The following DMD variants were observed in gnomAD, a reference collection of about 807,000 sequenced individuals.
DMD encodes mutant dystrophin.
A neutral mutation model predicts 330.1 loss-of-function variants in DMD; 63 were observed. That is an observed-to-expected ratio of 0.19 (90% CI 0.16 to 0.24). The LOEUF (loss-of-function observed/expected upper bound fraction) is 0.24, where lower values mean the gene tolerates loss of function less well. DMD is among the 10% of genes least tolerant of loss of function. The pLI, the probability that DMD is intolerant of heterozygous loss-of-function variation, is 1.00. For missense variants in DMD, 3,344 were observed against 2,684.1 expected (o/e 1.25, Z -5.43); for synonymous variants, 1,223 against 959.8 (o/e 1.27, Z -5.07).
chrX:32,452,322 T>TGAAAGGGAAAGG (rs1569563101), intron 26 of DMD, among the ~76,000 whole-genome samples: 9 of 11,181 alleles, frequency 8.0e-4, no homozygotes, highest in East Asian at 5.5e-3. Flanking sequence ...AAAGTGAAAG[T>TGAAAGGGAAAGG]GAAAGTGAAA....
At chrX:32,730,841 T>G (rs1038681660) in intron 7 of DMD, among the ~76,000 whole-genome samples, 1 of 111,805 alleles carries the variant, frequency 8.9e-6, no homozygotes, top group Admixed American at 9.5e-5. Flanking sequence ...AGAGTAGGAA[T>G]AGAGCCTACC....
At chrX:32,973,050 G>A (rs1311945644) in intron 2 of DMD, among the ~76,000 whole-genome samples, 1 of 111,234 alleles carries the variant, frequency 9.0e-6, no homozygotes, top group Non-Finnish European at 1.9e-5. Context: ...TTTAGTCTGG[G>A]CTCCCATGAT....
intron 44 of DMD, among the ~76,000 whole-genome samples, chrX:31,980,902 T>C (rs1447053144): frequency 1.8e-5 from 2 of 111,971 alleles, no homozygotes; most frequent in Non-Finnish European, 3.8e-5. Context: ...CTCTCCTTAC[T>C]TACACAATAC....
chrX:33,166,412 C>T (rs2049055297), intron 1 of DMD, among the ~76,000 whole-genome samples: 1 of 111,394 alleles, frequency 9.0e-6, no homozygotes, highest in African/African-American at 3.2e-5. Context: ...AACCCATACT[C>T]CTAAATTAAA....
chrX:31,303,827 T>C (rs2054833049), intron 62 of DMD, among the ~76,000 whole-genome samples: 1 of 111,913 alleles, frequency 8.9e-6, no homozygotes, highest in Admixed American at 9.6e-5. Context: ...CTCTCTCTCT[T>C]TTTGTGTTAA....
intron 44 of DMD, among the ~76,000 whole-genome samples, chrX:32,209,753 C>A (rs1421101587): frequency 9.0e-6 from 1 of 111,481 alleles, no homozygotes; most frequent in Non-Finnish European, 1.9e-5. Flanking sequence ...TTAAGCAGTT[C>A]TTTACCGTGG....
intron 43 of DMD, among the ~76,000 whole-genome samples, chrX:32,273,594 G>A (rs976488621): frequency 9.1e-6 from 1 of 109,527 alleles, no homozygotes; most frequent in African/African-American, 3.3e-5. Flanking sequence ...GTGGCCATGT[G>A]ACAGACATCT....
At chrX:31,626,333 TATA>T (rs1256956185) in intron 55 of DMD, among the ~76,000 whole-genome samples, 1 of 111,543 alleles carries the variant, frequency 9.0e-6, no homozygotes, top group Admixed American at 9.6e-5. Context: ...TATCAGCATT[TATA>T]ATATTTTATA....
At position 31,599,850 on chromosome X, in the gene DMD, CAT is replaced by C. The variant is rs1424965991; in HGVS notation, c.8217+27821_8217+27822del. 4.5e-5 allele frequency among the ~76,000 whole-genome samples: 5 copies of C among 112,136 alleles called. No homozygotes were observed. The South Asian group carries it at 1.1e-3, about 25-fold the overall frequency. On this transcript the variant is annotated intron_variant, in intron 55 of 78. Coordinates refer to ENST00000357033, the MANE Select transcript of DMD (RefSeq NM_004006.3). ...ATCTTATGAGCTCATTAGTATGTCT[CAT>C]GTGGTTTATTGCTTTAAAATCTCAT... is the stretch of plus-strand genomic sequence containing the variant.
rs748344570 is a variant in DMD, at chrX:31,126,676, TTAA to T, written c.11015-6_11015-4del. 3.3e-5 allele frequency: 39 copies of T among 1,182,884 alleles called. No homozygotes were observed. The East Asian group carries it at 1.1e-3, about 34-fold the overall frequency. ...TGGCTTTCCAGGGGTATTTCTTCCT[TTAA>T]TAATAGAGAGAGGAAGAGGCAGAGA... On this transcript the variant is annotated splice_region_variant and splice_polypyrimidine_tract_variant and intron_variant, in intron 77 of 78. Transcript: ENST00000357033.
chrX:33,168,465 A>T (rs1484479527), intron 1 of DMD, among the ~76,000 whole-genome samples: 1 of 108,485 alleles, frequency 9.2e-6, no homozygotes, highest in Non-Finnish European at 1.9e-5. Context: ...AAAATTCCTG[A>T]TATATAGCTT....
At chrX:32,662,056 A>G (rs2060982895) in intron 9 of DMD, among the ~76,000 whole-genome samples, 2 of 111,403 alleles carry the variant, frequency 1.8e-5, no homozygotes, top group African/African-American at 6.5e-5. Flanking sequence ...ATAGTGAGAT[A>G]ATCAATACTA....
intron 50 of DMD, among the ~76,000 whole-genome samples, chrX:31,798,142 A>T (rs2091911862): frequency 8.9e-6 from 1 of 112,347 alleles, no homozygotes; most frequent in Non-Finnish European, 1.9e-5. Context: ...CCCCCTTTTA[A>T]AATTTCTATG....
intron 1 of DMD, among the ~76,000 whole-genome samples, chrX:33,183,633 C>G (rs1231354091): frequency 9.0e-6 from 1 of 111,473 alleles, no homozygotes; most frequent in African/African-American, 3.3e-5. Context: ...AGACACCCAA[C>G]CCTGTGTTCT....
intron 11 of DMD, among the ~76,000 whole-genome samples, chrX:32,633,022 C>A (rs527439254): frequency 2.7e-5 from 3 of 112,347 alleles, no homozygotes; most frequent in African/African-American, 6.5e-5. Context: ...ATCCATGTTG[C>A]AAATTTTGAA....
intron 57 of DMD, among the ~76,000 whole-genome samples, chrX:31,479,412 A>T (rs567837744): frequency 1.8e-5 from 2 of 111,846 alleles, no homozygotes; most frequent in South Asian, 7.5e-4. Context: ...CTACAGCTAA[A>T]GTTTCAAGGT....
At chrX:31,941,984 C>T (rs988950523) in intron 45 of DMD, among the ~76,000 whole-genome samples, 4 of 111,667 alleles carry the variant, frequency 3.6e-5, no homozygotes, top group African/African-American at 1.3e-4. Flanking sequence ...AGTGCTGCGA[C>T]GAACATGTGA....
chrX:32,702,661 A>C (rs762319183), intron 7 of DMD, among the ~76,000 whole-genome samples: 1 of 111,427 alleles, frequency 9.0e-6, no homozygotes, highest in Non-Finnish European at 1.9e-5. Flanking sequence ...CTGGAGGAAA[A>C]CTTGAGAGAA....
chrX:32,999,492 T>C (rs1359372817), intron 2 of DMD, among the ~76,000 whole-genome samples: 2 of 111,644 alleles, frequency 1.8e-5, no homozygotes, highest in Admixed American at 1.9e-4. Flanking sequence ...ATGTTACGTT[T>C]AACATGTTTA....
Sources: gnomAD v4.1 joint callset for allele counts (sites outside exome capture counted in the v4.1 genomes callset) on GRCh38, gnomAD v4.1.1 for gene constraint, MANE v1.5 for transcripts, NCBI Gene and HGNC (gene_info 2026-07-23, HGNC 2026-07-21) for gene names.